BICC1: variants seen among roughly 807,000 people sequenced by gnomAD.
The protein encoded by BICC1 is BicC family RNA binding protein 1, also known as protein bicaudal C homolog 1.
BICC1 carries 43 observed loss-of-function variants against 111.0 expected under a neutral mutation model. The ratio of observed to expected loss-of-function variants is 0.39; its 90% confidence interval spans 0.30 to 0.50. The LOEUF (loss-of-function observed/expected upper bound fraction) is 0.50, where lower values mean the gene tolerates loss of function less well. Among genes scored for constraint, BICC1 ranks in the 20% least tolerant of loss-of-function variants. BICC1 has a pLI of 0.88. For missense variants in BICC1, 1,091 were observed against 1,203.2 expected, an observed-to-expected ratio of 0.91 and a Z score of 1.38; for synonymous variants, 467 against 434.4, an observed-to-expected ratio of 1.07 and a Z score of -0.93.
At chr10:58,624,761 T>G (rs916355978) in intron 2 of BICC1, among the ~76,000 whole-genome samples, 3 of 151,998 alleles carry the variant, frequency 2.0e-5, no homozygotes, top group Non-Finnish European at 4.4e-5. Context: ...GCCCAGTTAA[T>G]TTTTGTGTTT....
chr10:58,633,173 T>A lies in BICC1; in HGVS notation c.237+12272T>A, dbSNP rs7076017. Among the ~76,000 whole-genome samples, 7 of 152,088 alleles carry A rather than the reference T, an allele frequency of 4.6e-5. No individual in the cohort carries two copies. In the South Asian group the frequency reaches 1.0e-3, roughly 23 times the overall value. On this transcript the variant is annotated intron_variant, in intron 2 of 20. Coordinates refer to ENST00000373886, the MANE Select transcript of BICC1 (RefSeq NM_001080512.3). ...ATGGTTTTTTAAATGGGAGTTCCCCTGCACAAGCCCTGTAAGACATGACTT... is the reference window on the plus strand; with the variant it reads ...ATGGTTTTTTAAATGGGAGTTCCCCAGCACAAGCCCTGTAAGACATGACTT...
At chr10:58,639,918 G>T (rs534686211) in intron 2 of BICC1, among the ~76,000 whole-genome samples, 3 of 151,708 alleles carry the variant, frequency 2.0e-5, no homozygotes, top group Middle Eastern at 3.2e-3. Flanking sequence ...TCGCCATGTT[G>T]CCCAGACTGG....
At chr10:58,579,523 C>G (rs746222219) in intron 1 of BICC1, among the ~76,000 whole-genome samples, 1 of 152,272 alleles carries the variant, frequency 6.6e-6, no homozygotes, top group East Asian at 1.9e-4. Flanking sequence ...ACTGGGGCAT[C>G]GGTTTTTCCT....
At chr10:58,519,472 G>T (rs1161113573) in intron 1 of BICC1, among the ~76,000 whole-genome samples, 1 of 152,138 alleles carries the variant, frequency 6.6e-6, no homozygotes, top group East Asian at 1.9e-4. Context: ...AAGTGGAGGA[G>T]CATTAGGACT....
At chr10:58,549,608 C>T (rs1360755179) in intron 1 of BICC1, among the ~76,000 whole-genome samples, 3 of 136,736 alleles carry the variant, frequency 2.2e-5, no homozygotes, top group Non-Finnish European at 4.8e-5. Flanking sequence ...GGTGAGGAGT[C>T]TGTTCAGATT....
chr10:58,584,054 A>T (rs1844361059), intron 1 of BICC1, among the ~76,000 whole-genome samples: 1 of 58,566 alleles, frequency 1.7e-5, no homozygotes, highest in Non-Finnish European at 3.4e-5. Flanking sequence ...TGTAAACATG[A>T]AACACACACA....
chr10:58,589,072 C>T (rs777193632), intron 1 of BICC1, among the ~76,000 whole-genome samples: 13 of 152,198 alleles, frequency 8.5e-5, no homozygotes, highest in Non-Finnish European at 1.6e-4. Flanking sequence ...TGCCCTCTAC[C>T]GGTGACACCG....
intron 1 of BICC1, among the ~76,000 whole-genome samples, chr10:58,593,694 A>G (rs747172468): frequency 6.6e-6 from 1 of 151,926 alleles, no homozygotes; most frequent in Non-Finnish European, 1.5e-5. Flanking sequence ...GAAATAGCAC[A>G]TCCACTCAAA....
At chr10:58,794,194 T>TGTGTGTGC (rs1554833579) in intron 9 of BICC1, among the ~76,000 whole-genome samples, 2 of 151,430 alleles carry the variant, frequency 1.3e-5, no homozygotes, top group Admixed American at 1.3e-4. Context: ...TGTGTGTGTG[T>TGTGTGTGC]GTGTGTGTGT....
At chr10:58,703,623 A>C (rs1004042837) in intron 3 of BICC1, among the ~76,000 whole-genome samples, 1 of 152,158 alleles carries the variant, frequency 6.6e-6, no homozygotes. Flanking sequence ...AATCTTCAGT[A>C]ATTTTTGTGG....
chr10:58,805,194 G>A (rs183107204), intron 15 of BICC1, among the ~76,000 whole-genome samples: 228 of 152,180 alleles, frequency 1.5e-3, no homozygotes, highest in African/African-American at 5.3e-3. Flanking sequence ...TTGGGAGGCC[G>A]AGATAGAAGA....
At chr10:58,548,218 T>C (rs890636267) in intron 1 of BICC1, among the ~76,000 whole-genome samples, 3 of 152,232 alleles carry the variant, frequency 2.0e-5, no homozygotes, top group African/African-American at 7.2e-5. Context: ...CACTGAGAGA[T>C]CTGGCTCCCA....
chr10:58,820,270 G>A, intron 19 of BICC1, 99 bp from the exon 20 acceptor site: 2 of 745,148 alleles, frequency 2.7e-6, no homozygotes, highest in South Asian at 3.3e-5. Context: ...AGTAGGCAGA[G>A]CATAATTAAT....
intron 1 of BICC1, among the ~76,000 whole-genome samples, chr10:58,563,226 A>G (rs1006545118): frequency 2.6e-4 from 40 of 152,240 alleles, no homozygotes; most frequent in African/African-American, 8.2e-4. Context: ...CTCATCTCTC[A>G]ATATGGCTCT....
At chr10:58,745,825 C>T (rs570673918) in intron 3 of BICC1, among the ~76,000 whole-genome samples, 29 of 152,010 alleles carry the variant, frequency 1.9e-4, no homozygotes, top group African/African-American at 5.3e-4. Context: ...TACCTTTTGC[C>T]GTGTAGCCTA....
intron 3 of BICC1, chr10:58,716,356 C>G: frequency 7.7e-7 from 1 of 1,303,428 alleles, no homozygotes; most frequent in Non-Finnish European, 1.0e-6. Context: ...ACTGTGAAAA[C>G]TACAACATAT....
At chr10:58,628,597 C>T (rs564433290) in intron 2 of BICC1, among the ~76,000 whole-genome samples, 12 of 152,134 alleles carry the variant, frequency 7.9e-5, no homozygotes, top group South Asian at 2.1e-4. Context: ...TCATTCTTTT[C>T]GCTTTCAGTA....
chr10:58,825,877 G>A (rs913327454), intron 20 of BICC1, among the ~76,000 whole-genome samples: 1 of 152,046 alleles, frequency 6.6e-6, no homozygotes, highest in Non-Finnish European at 1.5e-5. Context: ...CAAAAGCAAA[G>A]TTATGACATC....
At chr10:58,566,008 C>T (rs1028351459) in intron 1 of BICC1, among the ~76,000 whole-genome samples, 2 of 152,132 alleles carry the variant, frequency 1.3e-5, no homozygotes, top group African/African-American at 4.8e-5. Context: ...TTGTATCATT[C>T]TTATGCCTTT....
Sources: gnomAD v4.1 joint callset for allele counts (sites outside exome capture counted in the v4.1 genomes callset) on GRCh38, gnomAD v4.1.1 for gene constraint, MANE v1.5 for transcripts, NCBI Gene and HGNC (gene_info 2026-07-23, HGNC 2026-07-21) for gene names.